Variants in PTAR1 observed in about 807,000 individuals in gnomAD.
PTAR1 encodes protein prenyltransferase alpha subunit repeat containing 1, also known as protein prenyltransferase alpha subunit repeat-containing protein 1.
In PTAR1, 17 loss-of-function variants were observed where a neutral mutation model predicts 45.5. The ratio of observed to expected loss-of-function variants is 0.37; its 90% CI spans 0.26 to 0.56. PTAR1 has a LOEUF of 0.56. PTAR1 is among the 20% of genes least tolerant of loss of function. The probability of loss-of-function intolerance (pLI) is 0.77; values close to 1 mark genes in which losing one functional copy is unlikely to be tolerated. For missense variants in PTAR1, 391 were observed against 476.3 expected, an observed-to-expected ratio of 0.82 and a Z score of 1.67; for synonymous variants, 169 against 171.3, an observed-to-expected ratio of 0.99 and a Z score of 0.11.
chr9:69,760,000 T>G lies in PTAR1; in HGVS notation c.-62A>C. 1.5e-6 allele frequency: 2 copies of G among 1,342,076 alleles called. No individual in the cohort carries two copies. The highest frequency in any genetic ancestry group is 1.7e-5 in the South Asian group (1 of 58,906). 83.1% of individuals were successfully genotyped at this position (1,342,076 alleles called of 1,614,324 possible). ...CGTGAGCCGGGCCGCCGGCGGGAGT[T>G]CCGCGGAGAACGAGCGCGCGCGCGC... On this transcript the variant is annotated 5_prime_UTR_variant, in exon 1 of 8. Transcript: ENST00000340434.
In PTAR1 at chr9:69,718,204, T is replaced by C; in HGVS notation, c.*138A>G. The C allele has an allele frequency of 1.8e-6, 1 of 551,872 alleles. No individual in the cohort carries two copies. Among genetic ancestry groups the C allele is most frequent in the East Asian group, 2.9e-5 (1 of 34,506 alleles). 34.2% of individuals were successfully genotyped at this position (551,872 alleles called of 1,614,324 possible). On this transcript the variant is annotated 3_prime_UTR_variant, in exon 8 of 8. Coordinates refer to ENST00000340434, the MANE Select transcript of PTAR1 (RefSeq NM_001099666.2). ...TTAACAAAATAAATAAAATGAAAGATTTACTATGGACTTTCAACCTAAAGA... is the reference window on the plus strand; with the variant it reads ...TTAACAAAATAAATAAAATGAAAGACTTACTATGGACTTTCAACCTAAAGA...
intron 5 of PTAR1, among the ~76,000 whole-genome samples, chr9:69,730,874 T>G (rs1454262739): frequency 6.6e-6 from 1 of 151,804 alleles, no homozygotes; most frequent in Non-Finnish European, 1.5e-5. Flanking sequence ...TAAAATCGAG[T>G]GAATCTCTCT....
At chr9:69,721,987 G>A (rs1402633632) in intron 6 of PTAR1, among the ~76,000 whole-genome samples, 3 of 152,178 alleles carry the variant, frequency 2.0e-5, no homozygotes, top group African/African-American at 7.2e-5. Context: ...AGGTATGCCA[G>A]TAGCTTAAAA....
Position 69,710,081 on chromosome 9 carries a change from A to G in PTAR1, c.*8261T>C, listed in dbSNP as rs1162948715. On this transcript the variant is annotated 3_prime_UTR_variant, in exon 8 of 8. Coordinates refer to ENST00000340434, the MANE Select transcript of PTAR1 (RefSeq NM_001099666.2). The stretch of plus-strand genomic sequence containing the variant: ...TCTAAATATTCTGAATTTTTAAAGT[A>G]CCATAATTACAGGCCTACCTCACCA... 1 of 152,118 alleles carries G rather than the reference A, an allele frequency of 6.6e-6. No homozygotes were observed. Among genetic ancestry groups the G allele is most frequent in the African/African-American group, 2.4e-5 (1 of 41,452 alleles). 9.4% of individuals were successfully genotyped at this position (152,118 alleles called of 1,614,324 possible).
At chr9:69,754,298 T>G (rs1315190649) in intron 1 of PTAR1, among the ~76,000 whole-genome samples, 1 of 152,130 alleles carries the variant, frequency 6.6e-6, no homozygotes, top group Non-Finnish European at 1.5e-5. Flanking sequence ...AAGGTCATAT[T>G]GCTAGTGGCT....
In PTAR1 at chr9:69,750,937, G is replaced by C. The variant is rs1826500019; in HGVS notation, c.100C>G (p.Leu34Val). 1.9e-6 allele frequency: 3 copies of C among 1,586,642 alleles called. No individual in the cohort carries two copies. Among genetic ancestry groups the C allele is most frequent in the Non-Finnish European group, 8.6e-7 (1 of 1,168,640 alleles). Residue 34 changes from leucine to valine, a missense_variant, in exon 2 of 8, where the codon CTG becomes GTG. Transcript: ENST00000340434. Reference protein sequence around the residue: ...RRNPHIDEIGLIPCPEARYNR... With the variant: ...RRNPHIDEIGVIPCPEARYNR... Reference sequence around the variant, plus strand: ...TACCTAGCTTCAGGACATGGGATCAGGCCAATTTCATCTCTTAATATGTAA... The same window carrying C: ...TACCTAGCTTCAGGACATGGGATCACGCCAATTTCATCTCTTAATATGTAA...
At chr9:69,742,123 C>G (rs529634741) in intron 2 of PTAR1, among the ~76,000 whole-genome samples, 1 of 152,260 alleles carries the variant, frequency 6.6e-6, no homozygotes, top group South Asian at 2.1e-4. Flanking sequence ...TAATTAACCT[C>G]TTCCTTTTGG....
Position 69,741,866 on chromosome 9 carries a change from A to G in PTAR1, c.257-8T>C, listed in dbSNP as rs1463147637. On this transcript the variant is annotated splice_polypyrimidine_tract_variant and splice_region_variant and intron_variant, in intron 2 of 7. Transcript: ENST00000340434. ...ATGTGACATCTATCAATTCTAAAAT[A>G]AAGAGAAGTCATATTAAAAACAAAT... is the stretch of plus-strand genomic sequence containing the variant. 1 of 1,564,490 alleles carries G rather than the reference A, an allele frequency of 6.4e-7. No homozygotes were observed. Among genetic ancestry groups the G allele is most frequent in the Admixed American group, 1.8e-5 (1 of 56,254 alleles).
chr9:69,753,620 G>A (rs1440887181), intron 1 of PTAR1, among the ~76,000 whole-genome samples: 1 of 152,090 alleles, frequency 6.6e-6, no homozygotes, highest in Non-Finnish European at 1.5e-5. Flanking sequence ...AAGGCAAATG[G>A]GATAGATTTC....
At chr9:69,722,645 A>G (rs533100152) in intron 6 of PTAR1, among the ~76,000 whole-genome samples, 1,509 of 143,560 alleles carry the variant, frequency 0.011, 28 homozygotes, top group East Asian at 0.03. Flanking sequence ...CTAGGGGGGA[A>G]AAAAAAAAAA....
At chr9:69,757,144 T>C (rs1472311247) in intron 1 of PTAR1, 2 of 152,190 alleles carry the variant, frequency 1.3e-5, no homozygotes, top group Non-Finnish European at 2.9e-5. Flanking sequence ...CAATATTTAA[T>C]AGAAAAAACA....
At chr9:69,756,556 T>G (rs773434280) in intron 1 of PTAR1, among the ~76,000 whole-genome samples, 1 of 152,128 alleles carries the variant, frequency 6.6e-6, no homozygotes, top group Non-Finnish European at 1.5e-5. Flanking sequence ...GAGTCAAGGA[T>G]CTCCATAATC....
At chr9:69,750,051 T>C (rs1044816555) in intron 2 of PTAR1, among the ~76,000 whole-genome samples, 1 of 152,006 alleles carries the variant, frequency 6.6e-6, no homozygotes, top group Non-Finnish European at 1.5e-5. Flanking sequence ...TAAATTAGTC[T>C]TCTCCCAAAA....
chr9:69,718,681 C>T lies in PTAR1; in HGVS notation c.951G>A (p.Arg317=), dbSNP rs1293636224. 12 of 1,561,808 alleles carry T rather than the reference C, an allele frequency of 7.7e-6. No homozygotes were observed. Among genetic ancestry groups the T allele is most frequent in the Non-Finnish European group, 1.0e-5 (12 of 1,151,916 alleles). Residue 317 remains arginine, a synonymous_variant, in exon 7 of 8, where the codon CGG becomes CGA. Transcript: ENST00000340434. ...PGHETLWCHR[R]HIFYLQHHLN... Reference sequence around the variant, plus strand: ...AGTGATGCTGAAGGTAGAAAATATGCCGCCTGCGATAGAGAGGGGAAGGAA... The same window carrying T: ...AGTGATGCTGAAGGTAGAAAATATGTCGCCTGCGATAGAGAGGGGAAGGAA...
intron 3 of PTAR1, among the ~76,000 whole-genome samples, chr9:69,735,281 C>T (rs577315074): frequency 2.0e-5 from 3 of 152,260 alleles, no homozygotes; most frequent in Non-Finnish European, 2.9e-5. Context: ...CCAAAATCTG[C>T]GAATGCTCAA....
intron 1 of PTAR1, chr9:69,757,242 G>A (rs1826825154): frequency 6.6e-6 from 1 of 152,198 alleles, no homozygotes; most frequent in African/African-American, 2.4e-5. Context: ...CATACACTAA[G>A]TTAAAGACTA....
Position 69,741,790 on chromosome 9 carries a change from A to G in PTAR1, c.323+2T>C. On this transcript the variant is annotated splice_donor_variant, in intron 3 of 7. Coordinates refer to ENST00000340434, the MANE Select transcript of PTAR1 (RefSeq NM_001099666.2). LOFTEE classifies it high-confidence loss of function. ...ATCATATCACTAATGAAAATGACATACCTCACGTTCCATGCAGTGGTAAAG... is the reference window on the plus strand; with the variant it reads ...ATCATATCACTAATGAAAATGACATGCCTCACGTTCCATGCAGTGGTAAAG... 2 of 1,583,070 alleles carry G rather than the reference A, an allele frequency of 1.3e-6. No individual in the cohort carries two copies. The highest frequency in any genetic ancestry group is 1.7e-6 in the Non-Finnish European group (2 of 1,157,910).
intron 1 of PTAR1, chr9:69,757,329 A>T (rs1826829412): frequency 6.3e-5 from 1 of 15,796 alleles, no homozygotes; most frequent in African/African-American, 2.5e-4. Flanking sequence ...GCATTTATAT[A>T]GTATTATCCA....
intron 2 of PTAR1, among the ~76,000 whole-genome samples, chr9:69,749,991 G>A (rs1028560858): frequency 1.4e-4 from 21 of 151,968 alleles, no homozygotes; most frequent in East Asian, 3.9e-4. Flanking sequence ...AGGTACTGCC[G>A]TACATGGGAA....
Sources: gnomAD v4.1 joint callset for allele counts (sites outside exome capture counted in the v4.1 genomes callset) on GRCh38, gnomAD v4.1.1 for gene constraint, MANE v1.5 for transcripts, NCBI Gene and HGNC (gene_info 2026-07-23, HGNC 2026-07-21) for gene names.